SPAG16: variants seen among roughly 807,000 people sequenced by gnomAD.
The protein encoded by SPAG16 is sperm associated antigen 16, also known as sperm-associated antigen 16 protein.
In SPAG16, 86 loss-of-function variants were observed where a neutral mutation model predicts 80.4. The ratio of observed to expected loss-of-function variants is 1.07; its 90% CI spans 0.90 to 1.28. The LOEUF (loss-of-function observed/expected upper bound fraction) is 1.28. Ranked by LOEUF, SPAG16 falls within the 50% of genes most tolerant of loss-of-function variation. SPAG16 has a pLI of 0.00. For synonymous variants in SPAG16, 294 were observed against 265.9 expected, an observed-to-expected ratio of 1.11 and a Z score of -1.03; for missense variants, 870 against 765.3, an observed-to-expected ratio of 1.14 and a Z score of -1.61.
intron 10 of SPAG16, among the ~76,000 whole-genome samples, chr2:213,501,288 T>C (rs568385034): frequency 1.8e-4 from 28 of 152,360 alleles, no homozygotes; most frequent in African/African-American, 5.8e-4. Context: ...TTGTTGATAT[T>C]AGGTATCATT....
At chr2:213,720,471 C>A (rs964677996) in intron 10 of SPAG16, among the ~76,000 whole-genome samples, 34 of 135,676 alleles carry the variant, frequency 2.5e-4, no homozygotes, top group African/African-American at 3.9e-4. Flanking sequence ...ACTAAAAATA[C>A]AAAAAAAAAA....
chr2:213,635,616 G>A (rs931615795), intron 10 of SPAG16, among the ~76,000 whole-genome samples: 2 of 152,064 alleles, frequency 1.3e-5, no homozygotes, highest in African/African-American at 4.8e-5. Flanking sequence ...TCTTTCAGCA[G>A]TAGGGTGGTA....
chr2:213,784,613 C>A, intron 10 of SPAG16, among the ~76,000 whole-genome samples: 1 of 72,962 alleles, frequency 1.4e-5, no homozygotes, highest in Admixed American at 1.9e-4. Flanking sequence ...AATAAATGCA[C>A]AGCAATTATT....
intron 10 of SPAG16, among the ~76,000 whole-genome samples, chr2:213,859,622 A>G (rs1375291502): frequency 2.0e-5 from 3 of 152,248 alleles, no homozygotes; most frequent in Non-Finnish European, 4.4e-5. Context: ...ATGATTGAAG[A>G]TTCATACTAA....
At chr2:213,933,042 A>C (rs894903154) in intron 12 of SPAG16, among the ~76,000 whole-genome samples, 1 of 151,704 alleles carries the variant, frequency 6.6e-6, no homozygotes, top group African/African-American at 2.4e-5. Context: ...TACATAAATG[A>C]ATAAAGAGTG....
chr2:214,272,797 G>A (rs75028416), intron 15 of SPAG16, among the ~76,000 whole-genome samples: 59,583 of 151,914 alleles, frequency 0.39, 14,288 homozygotes, highest in South Asian at 0.56. Context: ...AATCCTTTGG[G>A]TATATACCCA....
At chr2:213,461,708 T>A (rs1183723182) in intron 9 of SPAG16, among the ~76,000 whole-genome samples, 1 of 152,112 alleles carries the variant, frequency 6.6e-6, no homozygotes, top group Non-Finnish European at 1.5e-5. Flanking sequence ...TAAGTGAAAG[T>A]TAAAAAAAAT....
At chr2:213,337,999 G>A (rs942768891) in intron 5 of SPAG16, among the ~76,000 whole-genome samples, 8 of 152,156 alleles carry the variant, frequency 5.3e-5, no homozygotes, top group Admixed American at 3.3e-4. Context: ...ATAAAGGGAA[G>A]CCCATCAGAC....
intron 10 of SPAG16, among the ~76,000 whole-genome samples, chr2:213,718,362 C>T (rs1347957110): frequency 6.6e-6 from 1 of 152,032 alleles, no homozygotes; most frequent in Non-Finnish European, 1.5e-5. Context: ...TCTCGGCACC[C>T]CCCCTGCCTG....
chr2:213,932,460 C>T (rs2078809059), intron 12 of SPAG16, among the ~76,000 whole-genome samples: 2 of 151,964 alleles, frequency 1.3e-5, no homozygotes, highest in South Asian at 4.1e-4. Flanking sequence ...TTGAGAAACT[C>T]CCAAAGTGCT....
At chr2:213,911,826 A>G (rs1206841076) in intron 11 of SPAG16, among the ~76,000 whole-genome samples, 2 of 114,054 alleles carry the variant, frequency 1.8e-5, no homozygotes, top group African/African-American at 5.9e-5. Context: ...AAAAATGAGA[A>G]ACAGTTAGCA....
intron 13 of SPAG16, among the ~76,000 whole-genome samples, chr2:214,087,928 T>C (rs1037062754): frequency 6.6e-6 from 1 of 151,672 alleles, no homozygotes; most frequent in Non-Finnish European, 1.5e-5. Flanking sequence ...CTGCACAAAT[T>C]AGAAAAATAA....
intron 13 of SPAG16, among the ~76,000 whole-genome samples, chr2:214,097,255 G>A (rs2052651978): frequency 6.6e-6 from 1 of 152,020 alleles, no homozygotes; most frequent in Admixed American, 6.6e-5. Flanking sequence ...ATCTTTAATA[G>A]TACTTTTGAC....
chr2:213,353,675 C>T lies in SPAG16; in HGVS notation c.762+3030C>T, dbSNP rs75687061. Among the ~76,000 whole-genome samples, 1,209 of 152,158 alleles carry T rather than the reference C, an allele frequency of 7.9e-3. 15 individuals are homozygous for T. Among genetic ancestry groups the T allele is most frequent in the African/African-American group, 0.028 (1,160 of 41,528 alleles). ...ACTCATGTCTGACCTGTTGTTACCT[C>T]GTCCCTCAGGCATCTCGTCCCTCAG... On this transcript the variant is annotated intron_variant, in intron 7 of 15. Transcript: ENST00000331683.
intron 5 of SPAG16, among the ~76,000 whole-genome samples, chr2:213,324,560 G>A (rs2063764065): frequency 6.6e-6 from 1 of 152,066 alleles, no homozygotes. Flanking sequence ...TCTGTACAAT[G>A]TATTATTTTT....
chr2:213,487,465 C>A (rs750181617), intron 9 of SPAG16, among the ~76,000 whole-genome samples: 1 of 152,004 alleles, frequency 6.6e-6, no homozygotes, highest in Non-Finnish European at 1.5e-5. Context: ...TCCTGCCTAC[C>A]CATGTATTGG....
intron 11 of SPAG16, among the ~76,000 whole-genome samples, chr2:213,883,955 A>G (rs2076453615): frequency 6.6e-6 from 1 of 152,046 alleles, no homozygotes; most frequent in Non-Finnish European, 1.5e-5. Flanking sequence ...TTCTCTTTTT[A>G]TCCAGCCCAC....
intron 9 of SPAG16, among the ~76,000 whole-genome samples, chr2:213,387,601 C>T (rs1042712767): frequency 1.3e-4 from 18 of 136,128 alleles, no homozygotes; most frequent in African/African-American, 5.1e-4. Flanking sequence ...ACTACAGGCG[C>T]CCGCCACCAC....
chr2:213,668,880 C>T (rs961546014), intron 10 of SPAG16, among the ~76,000 whole-genome samples: 4 of 152,096 alleles, frequency 2.6e-5, no homozygotes, highest in African/African-American at 9.7e-5. Flanking sequence ...GGTCTCCTGA[C>T]CTCTTGATCT....
Sources: allele counts gnomAD v4.1 joint callset (sites outside exome capture counted in the v4.1 genomes callset), GRCh38; gene constraint gnomAD v4.1.1; transcripts MANE v1.5; gene names NCBI Gene and HGNC (gene_info 2026-07-23, HGNC 2026-07-21).